The following SLIT2 variants were observed in gnomAD, a reference collection of about 807,000 sequenced individuals.
SLIT2 encodes slit homolog 2 protein.
Under a neutral mutation model 185.7 loss-of-function variants are expected in SLIT2, and 41 were observed. That is an observed-to-expected ratio of 0.22 (90% CI 0.17 to 0.29). The LOEUF is 0.29. Among genes scored for constraint, SLIT2 ranks in the 10% least tolerant of loss-of-function variants. The probability of loss-of-function intolerance (pLI) is 1.00; values close to 1 mark genes in which losing one functional copy is unlikely to be tolerated. For synonymous variants in SLIT2, 693 were observed against 680.2 expected, an observed-to-expected ratio of 1.02 and a Z score of -0.29; for missense variants, 1,571 against 1,909.0, an observed-to-expected ratio of 0.82 and a Z score of 3.30.
At chr4:20,258,310 C>G (rs1393848176) in intron 3 of SLIT2, among the ~76,000 whole-genome samples, 2 of 151,438 alleles carry the variant, frequency 1.3e-5, no homozygotes, top group South Asian at 4.2e-4. Flanking sequence ...AGAAGTTTTG[C>G]TAATTGTTAT....
chr4:20,455,385 C>A (rs1323089051), intron 4 of SLIT2, among the ~76,000 whole-genome samples: 1 of 152,086 alleles, frequency 6.6e-6, no homozygotes, highest in Non-Finnish European at 1.5e-5. Context: ...AGTAGGCATT[C>A]TTTGATAGCC....
intron 4 of SLIT2, among the ~76,000 whole-genome samples, chr4:20,422,297 A>G (rs552905098): frequency 6.6e-6 from 1 of 152,202 alleles, no homozygotes; most frequent in African/African-American, 2.4e-5. Context: ...TTGAATTAAC[A>G]TAGCTGGAAT....
At chr4:20,412,581 G>T (rs1212686970) in intron 4 of SLIT2, among the ~76,000 whole-genome samples, 1 of 151,928 alleles carries the variant, frequency 6.6e-6, no homozygotes, top group African/African-American at 2.4e-5. Flanking sequence ...TGTCATGCAA[G>T]CATCATTTTA....
At chr4:20,401,296 G>A (rs755068865) in intron 4 of SLIT2, among the ~76,000 whole-genome samples, 2 of 151,834 alleles carry the variant, frequency 1.3e-5, no homozygotes, top group Non-Finnish European at 1.5e-5. Flanking sequence ...AATTAATCAT[G>A]TTGATCAGAG....
chr4:20,529,806 C>A (rs1007641475), intron 16 of SLIT2, among the ~76,000 whole-genome samples: 6 of 152,156 alleles, frequency 3.9e-5, no homozygotes, highest in African/African-American at 1.4e-4. Context: ...AGGGAAAAAA[C>A]TAGCAAAACC....
intron 4 of SLIT2, among the ~76,000 whole-genome samples, chr4:20,462,419 G>A (rs536810651): frequency 2.8e-4 from 43 of 152,210 alleles, no homozygotes; most frequent in African/African-American, 9.6e-4. Flanking sequence ...TGCATTGTTA[G>A]CATGCTCCTC....
At chr4:20,596,806 T>C in intron 32 of SLIT2, 151 bp downstream of exon 32, 1 of 660,624 alleles carries the variant, frequency 1.5e-6, no homozygotes, top group Non-Finnish European at 2.4e-6. Context: ...GCGTTAGTAA[T>C]TTTTCTCTTC....
At chr4:20,369,235 C>T (rs922535255) in intron 4 of SLIT2, among the ~76,000 whole-genome samples, 2 of 152,012 alleles carry the variant, frequency 1.3e-5, no homozygotes, top group African/African-American at 4.8e-5. Context: ...TCATTGATGT[C>T]CTCTGGGATA....
intron 9 of SLIT2, among the ~76,000 whole-genome samples, chr4:20,495,978 T>C (rs1258794490): frequency 6.6e-6 from 1 of 152,128 alleles, no homozygotes; most frequent in African/African-American, 2.4e-5. Context: ...TTATAAACTC[T>C]CCCCATTTTA....
intron 5 of SLIT2, among the ~76,000 whole-genome samples, chr4:20,472,546 C>CGATATATATCGA (rs375063771): frequency 2.2e-4 from 1 of 4,476 alleles, no homozygotes; most frequent in Non-Finnish European, 3.3e-4. Flanking sequence ...ATATCTATAT[C>CGATATATATCGA]TATATATAGA....
rs78586235 is a variant in SLIT2 at position 20,570,162 on chromosome 4, A to G, written c.3088+1158A>G. Among the ~76,000 whole-genome samples the G allele has an allele frequency of 9.7e-3, 1,479 of 152,162 alleles. 23 individuals are homozygous for G. The highest frequency in any genetic ancestry group is 0.034 in the African/African-American group (1,397 of 41,534). On this transcript the variant is annotated intron_variant, in intron 29 of 36. Coordinates refer to ENST00000504154, the MANE Select transcript of SLIT2 (RefSeq NM_004787.4). Reference sequence around the variant, plus strand: ...TTTAATTTTTATTTTTTTGGCACCAATAAAGCACCCAATGTCATGTAAAGC... The same window carrying G: ...TTTAATTTTTATTTTTTTGGCACCAGTAAAGCACCCAATGTCATGTAAAGC...
chr4:20,280,422 G>A (rs1174200540), intron 4 of SLIT2, among the ~76,000 whole-genome samples: 1 of 151,792 alleles, frequency 6.6e-6, no homozygotes, highest in Non-Finnish European at 1.5e-5. Flanking sequence ...ACTAGCTGCA[G>A]TTGCTGAGCA....
rs75867878 is a variant in SLIT2, at chr4:20,493,970, C to T, written c.914+2071C>T. Among the ~76,000 whole-genome samples, 91 of 152,318 alleles carry T rather than the reference C, an allele frequency of 6.0e-4. 1 individual carries two copies. The highest frequency in any genetic ancestry group is 2.0e-3 in the African/African-American group (82 of 41,570). ...AAATAGGAATTCAGCTTGCCTGATA[C>T]ATGAGATAGTACCAGGAAACAAGTT... On this transcript the variant is annotated intron_variant, in intron 9 of 36. Transcript: ENST00000504154.
At chr4:20,485,408 T>C (rs1434307122) in intron 6 of SLIT2, among the ~76,000 whole-genome samples, 1 of 152,010 alleles carries the variant, frequency 6.6e-6, no homozygotes. Flanking sequence ...GTAGTAATAA[T>C]CAATAATAAT....
chr4:20,488,050 A>T (rs184639764), intron 7 of SLIT2, among the ~76,000 whole-genome samples: 15 of 152,278 alleles, frequency 9.9e-5, no homozygotes, highest in Admixed American at 9.2e-4. Context: ...GTTTGAAGTC[A>T]TTTACCTAAT....
At chr4:20,608,694 C>G (rs1728975844) in intron 33 of SLIT2, among the ~76,000 whole-genome samples, 1 of 152,126 alleles carries the variant, frequency 6.6e-6, no homozygotes, top group South Asian at 2.1e-4. Flanking sequence ...TATTACCTGT[C>G]AGCATACAAC....
intron 4 of SLIT2, among the ~76,000 whole-genome samples, chr4:20,381,196 T>C (rs1459175984): frequency 6.6e-6 from 1 of 152,048 alleles, no homozygotes; most frequent in Non-Finnish European, 1.5e-5. Context: ...GAGGTTGCAG[T>C]GAGCTGAGGT....
intron 21 of SLIT2, among the ~76,000 whole-genome samples, chr4:20,543,783 A>C (rs1165363936): frequency 6.6e-6 from 1 of 152,184 alleles, no homozygotes; most frequent in African/African-American, 2.4e-5. Context: ...CACGGCTCTT[A>C]GATTTGAACT....
chr4:20,591,266 T>A (rs949901188), intron 30 of SLIT2, among the ~76,000 whole-genome samples: 2 of 152,316 alleles, frequency 1.3e-5, no homozygotes, highest in East Asian at 3.9e-4. Context: ...AGATGGAATT[T>A]GAGCTGGATT....
Sources: gnomAD v4.1 joint callset for allele counts (sites outside exome capture counted in the v4.1 genomes callset) on GRCh38, gnomAD v4.1.1 for gene constraint, MANE v1.5 for transcripts, NCBI Gene and HGNC (gene_info 2026-07-23, HGNC 2026-07-21) for gene names.